ANKRD23: variants seen among roughly 807,000 people sequenced by gnomAD.
The protein encoded by ANKRD23 is ankyrin repeat domain 23.
ANKRD23 carries 52 observed loss-of-function variants against 38.1 expected under a neutral mutation model. That is an observed-to-expected ratio of 1.36 (90% CI 1.09 to 1.72). The LOEUF (loss-of-function observed/expected upper bound fraction) is 1.72. Among genes scored for constraint, ANKRD23 ranks in the 40% most tolerant of loss-of-function variants. The probability of loss-of-function intolerance (pLI) is 0.00; values close to 1 mark genes in which losing one functional copy is unlikely to be tolerated. For missense variants in ANKRD23, 416 were observed against 400.2 expected, an observed-to-expected ratio of 1.04 and a Z score of -0.34; for synonymous variants, 167 against 162.9, an observed-to-expected ratio of 1.03 and a Z score of -0.19.
chr2:96,839,751 C>A lies in ANKRD23; in HGVS notation c.798G>T (p.Gly266=). The A allele has an allele frequency of 6.2e-7, 1 of 1,613,410 alleles. No homozygotes were observed. The highest frequency in any genetic ancestry group is 8.5e-7 in the Non-Finnish European group (1 of 1,179,940). ...YKAMKLLLLY[G]AELGVRNAAS... ...CCGCGTTCCGCACCCCCAGCTCGGC[C>A]CCATAGAGCAGCAGTAGCTTCATGG... Residue 266 remains glycine, a synonymous_variant, in exon 8 of 9, where the codon GGG becomes GGT. Coordinates refer to ENST00000318357, the MANE Select transcript of ANKRD23 (RefSeq NM_144994.8).
In ANKRD23 at chr2:96,839,117, CCA is replaced by C. The variant is rs1275041053; in HGVS notation, c.*430_*431del. Reference sequence around the variant, plus strand: ...CATCTGCCGGCCACGGGCTGAGTCCCCACACACACAGACTGGCCCTGGAGAGA... The same window carrying C: ...CATCTGCCGGCCACGGGCTGAGTCCCCACACACAGACTGGCCCTGGAGAGA... On this transcript the variant is annotated 3_prime_UTR_variant, in exon 9 of 9. Transcript: ENST00000318357. 3 of 994,418 alleles carry C rather than the reference CCA, an allele frequency of 3.0e-6. No individual in the cohort carries two copies. Among genetic ancestry groups the C allele is most frequent in the African/African-American group, 1.7e-5 (1 of 57,628 alleles). 61.6% of individuals were successfully genotyped at this position (994,418 alleles called of 1,614,324 possible).
chr2:96,842,351 C>T lies in ANKRD23; in HGVS notation c.174+14G>A, dbSNP rs761794999. 6.2e-6 allele frequency: 10 copies of T among 1,602,212 alleles called. No individual in the cohort carries two copies. The highest frequency in any genetic ancestry group is 1.4e-5 in the African/African-American group (1 of 73,498). ...AGCCACTGCCCCCAACCCCGGCCCC[C>T]GCCCCTCTCTCACTTTCTTCTTCTT... is the stretch of plus-strand genomic sequence containing the variant. On this transcript the variant is annotated intron_variant, in intron 2 of 8. Transcript: ENST00000318357.
rs2079769836 is a variant in ANKRD23, at chr2:96,842,248, C to G, written c.175-63G>C. 4 of 1,609,976 alleles carry G rather than the reference C, an allele frequency of 2.5e-6. No individual in the cohort carries two copies. In the South Asian group the frequency reaches 4.4e-5, roughly 18 times the overall value. ...CTGGTCAAGAGATCTCTCTGCCCTG[C>G]CGACAGGAGACACCAGCTGCTCAGG... is the stretch of plus-strand genomic sequence containing the variant. On this transcript the variant is annotated intron_variant, in intron 2 of 8. Coordinates refer to ENST00000318357, the MANE Select transcript of ANKRD23 (RefSeq NM_144994.8).
At position 96,839,452 on chromosome 2, in the gene ANKRD23, G is replaced by T; in HGVS notation, c.*97C>A. The T allele has an allele frequency of 7.3e-7, 1 of 1,368,326 alleles. No individual in the cohort carries two copies. The highest frequency in any genetic ancestry group is 1.9e-5 in the South Asian group (1 of 53,568). 84.8% of individuals were successfully genotyped at this position (1,368,326 alleles called of 1,614,324 possible). ...GCACAGGCCAGAGAGGGAGGAACCAGGGCTGAGGGCAGGAACCACAGAGGT... is the reference window on the plus strand; with the variant it reads ...GCACAGGCCAGAGAGGGAGGAACCATGGCTGAGGGCAGGAACCACAGAGGT... On this transcript the variant is annotated 3_prime_UTR_variant, in exon 9 of 9. Transcript: ENST00000318357.
At chr2:96,843,912 T>G (rs1248319757) in intron 1 of ANKRD23, 54 bp downstream of exon 1, 4 of 1,579,470 alleles carry the variant, frequency 2.5e-6, no homozygotes, top group Non-Finnish European at 3.4e-6. Context: ...CTAGCCAGCC[T>G]CCTCCTATCA....
rs766286335 is a variant in ANKRD23 at position 96,840,225 on chromosome 2, C to G, written c.624+7G>C. 6.2e-6 allele frequency: 10 copies of G among 1,608,876 alleles called. No individual in the cohort carries two copies. Among genetic ancestry groups the G allele is most frequent in the Admixed American group, 1.7e-5 (1 of 59,510 alleles). ...CCGACAGGCCCCCAAAGCACCGTGC[C>G]CCTCACCTTGTCCCGGGCATTGACC... On this transcript the variant is annotated splice_region_variant and intron_variant, in intron 6 of 8. Transcript: ENST00000318357.
rs1317372284 is a variant in ANKRD23, at chr2:96,840,046, C to T, written c.674G>A (p.Cys225Tyr). 6.4e-7 allele frequency: 1 copy of T among 1,563,058 alleles called. No individual in the cohort carries two copies. Among genetic ancestry groups the T allele is most frequent in the South Asian group, 1.2e-5 (1 of 84,882 alleles). ...GCCACACTCGATGAGGTGCTCCAGGCAGTCGGGGTGCCGGGTGCGCACTGC... is the reference window on the plus strand; with the variant it reads ...GCCACACTCGATGAGGTGCTCCAGGTAGTCGGGGTGCCGGGTGCGCACTGC... ...HVAVRTRHPD[C>Y]LEHLIECGAH... The change falls in exon 7 of 9, where the codon TGC becomes TAC. Residue 225 changes from cysteine to tyrosine, a missense_variant. Cys to Tyr is a radical substitution (Grantham distance 194, BLOSUM62 -2). Transcript: ENST00000318357.
Position 96,842,126 on chromosome 2 carries a change from C to G in ANKRD23, c.234G>C (p.Leu78Phe). 1 of 1,614,216 alleles carries G rather than the reference C, an allele frequency of 6.2e-7. No individual in the cohort carries two copies. The highest frequency in any genetic ancestry group is 8.5e-7 in the Non-Finnish European group (1 of 1,180,048). The part of the protein sequence containing the change: ...NLDNLADLEN[L>F]VQRRKKRLRH... ...TCAGTCGCTTTTTCCGTCTTTGAAC[C>G]AAGTTTTCCAAGTCAGCCAGGTTAT... The change falls in exon 3 of 9, where the codon TTG becomes TTC. Residue 78 changes from leucine to phenylalanine, a missense_variant. By Grantham distance (22) the Leu-to-Phe change is conservative (BLOSUM62 0). Coordinates refer to ENST00000318357, the MANE Select transcript of ANKRD23 (RefSeq NM_144994.8).
chr2:96,840,046 C>G lies in ANKRD23; in HGVS notation c.674G>C (p.Cys225Ser). The G allele has an allele frequency of 6.4e-7, 1 of 1,563,058 alleles. No homozygotes were observed. The highest frequency in any genetic ancestry group is 1.9e-5 in the Admixed American group (1 of 51,956). ...GCCACACTCGATGAGGTGCTCCAGG[C>G]AGTCGGGGTGCCGGGTGCGCACTGC... ...HVAVRTRHPD[C>S]LEHLIECGAH... Residue 225 changes from cysteine to serine, a missense_variant, in exon 7 of 9, where the codon TGC becomes TCC. Transcript: ENST00000318357.
At chr2:96,839,695 G>A (rs1441202785) in intron 8 of ANKRD23, 32 bp downstream of exon 8, 3 of 1,599,438 alleles carry the variant, frequency 1.9e-6, no homozygotes, top group African/African-American at 1.3e-5. Flanking sequence ...ACCCGCCCTC[G>A]GGTCAGGAGC....
chr2:96,840,350 A>G lies in ANKRD23; in HGVS notation c.526-20T>C, dbSNP rs2079745586. 6.2e-7 allele frequency: 1 copy of G among 1,607,336 alleles called. No individual in the cohort carries two copies. Among genetic ancestry groups the G allele is most frequent in the African/African-American group, 1.3e-5 (1 of 74,798 alleles). Reference sequence around the variant, plus strand: ...GTCCAGCTGCAAAACAAAAGCACCCAAGCACTCAGCTGCTGGGATGTGAAG... The same window carrying G: ...GTCCAGCTGCAAAACAAAAGCACCCGAGCACTCAGCTGCTGGGATGTGAAG... On this transcript the variant is annotated intron_variant, in intron 5 of 8. Transcript: ENST00000318357.
Position 96,839,016 on chromosome 2 carries a change from A to G in ANKRD23, c.*533T>C. ...GGGGTCCCCAGAGAAAGCCATGCCC[A>G]CAGGCATCCACCAGCTGCAGACAGG... On this transcript the variant is annotated 3_prime_UTR_variant, in exon 9 of 9. Coordinates refer to ENST00000318357, the MANE Select transcript of ANKRD23 (RefSeq NM_144994.8). 1 of 985,912 alleles carries G rather than the reference A, an allele frequency of 1.0e-6. No homozygotes were observed. Among genetic ancestry groups the G allele is most frequent in the Non-Finnish European group, 1.2e-6 (1 of 830,306 alleles). 61.1% of individuals were successfully genotyped at this position (985,912 alleles called of 1,614,324 possible).
chr2:96,841,931 G>A (rs2079766391), intron 3 of ANKRD23, 129 bp downstream of exon 3: 5 of 1,366,262 alleles, frequency 3.7e-6, no homozygotes. Flanking sequence ...GGGCTCTGGA[G>A]TGGATTTAAT....
At position 96,842,091 on chromosome 2, in the gene ANKRD23, ACT is replaced by A. The variant is rs1450688375; in HGVS notation, c.267_268del (p.Arg89SerfsTer7). On this transcript the variant is annotated frameshift_variant, in exon 3 of 9. Transcript: ENST00000318357. LOFTEE classifies it high-confidence loss of function. The stretch of plus-strand genomic sequence containing the variant: ...CAGGGGCTCAGGTTTCCTGGGGGGG[ACT>A]CTGTGTCTCAGTCGCTTTTTCCGTC... The A allele has an allele frequency of 1.2e-6, 2 of 1,613,318 alleles. No individual in the cohort carries two copies. The highest frequency in any genetic ancestry group is 1.7e-6 in the Non-Finnish European group (2 of 1,179,906).
rs1167524086 is a variant in ANKRD23, at chr2:96,839,081, A to G, written c.*468T>C. ...GGCCTGCCTTGGCTGCACCTTGTAC[A>G]TCCTGGATGGCATCTGCCGGCCACG... On this transcript the variant is annotated 3_prime_UTR_variant, in exon 9 of 9. Coordinates refer to ENST00000318357, the MANE Select transcript of ANKRD23 (RefSeq NM_144994.8). 1 of 987,968 alleles carries G rather than the reference A, an allele frequency of 1.0e-6. No homozygotes were observed. The highest frequency in any genetic ancestry group is 1.2e-6 in the Non-Finnish European group (1 of 831,860). 61.2% of individuals were successfully genotyped at this position (987,968 alleles called of 1,614,324 possible).
At chr2:96,840,575 G>A (rs999330574) in intron 4 of ANKRD23, 61 bp from the exon 5 acceptor site, 185 of 1,577,088 alleles carry the variant, frequency 1.2e-4, no homozygotes, top group Middle Eastern at 1.1e-3. Context: ...GACCCCACGC[G>A]GTCCCCTTCC....
intron 3 of ANKRD23, among the ~76,000 whole-genome samples, 199 bp downstream of exon 3, chr2:96,841,861 T>C (rs1309762814): frequency 6.6e-6 from 1 of 152,210 alleles, no homozygotes; most frequent in East Asian, 1.9e-4. Flanking sequence ...ACATGCCTGC[T>C]GTTGAGGCTG....
rs749957437 is a variant in ANKRD23 at position 96,842,151 on chromosome 2, T to A, written c.209A>T (p.Asp70Val). The change falls in exon 3 of 9, where the codon GAT becomes GTT. Residue 70 changes from aspartate (D) to valine (V), a missense_variant. By Grantham distance (152) the Asp-to-Val change is radical. Coordinates refer to ENST00000318357, the MANE Select transcript of ANKRD23 (RefSeq NM_144994.8). ...ERFNSTRFNL[D>V]NLADLENLVQ... ...CAAGTTTTCCAAGTCAGCCAGGTTATCCAGATTAAATCTGGTACTGTTAAA... is the reference window on the plus strand; with the variant it reads ...CAAGTTTTCCAAGTCAGCCAGGTTAACCAGATTAAATCTGGTACTGTTAAA... 6.2e-7 allele frequency: 1 copy of A among 1,614,226 alleles called. No individual in the cohort carries two copies. Among genetic ancestry groups the A allele is most frequent in the South Asian group, 1.1e-5 (1 of 91,088 alleles).
rs552391099 is a variant in ANKRD23, at chr2:96,844,012, A to AC, written c.-21dup. 6.3e-6 allele frequency: 10 copies of AC among 1,588,780 alleles called. No individual in the cohort carries two copies. In the South Asian group the frequency reaches 6.9e-5, roughly 11 times the overall value. The stretch of plus-strand genomic sequence containing the variant: ...GTCCATGGTCCCCCCTGTTCCTCAC[A>AC]CCCCCCAGTGAGAAGAGCTGAACTG... On this transcript the variant is annotated 5_prime_UTR_variant, in exon 1 of 9. Coordinates refer to ENST00000318357, the MANE Select transcript of ANKRD23 (RefSeq NM_144994.8).
Sources: gnomAD v4.1 joint callset for allele counts (sites outside exome capture counted in the v4.1 genomes callset) on GRCh38, gnomAD v4.1.1 for gene constraint, MANE v1.5 for transcripts, NCBI Gene and HGNC (gene_info 2026-07-23, HGNC 2026-07-21) for gene names.